EHBP1: variants seen among roughly 807,000 people sequenced by gnomAD.
The protein encoded by EHBP1 is EH domain binding protein 1, also known as EH domain-binding protein 1.
Under a neutral mutation model 144.0 loss-of-function variants are expected in EHBP1, and 55 were observed. The observed-to-expected ratio is 0.38, with a 90% CI of 0.31 to 0.48. The LOEUF (loss-of-function observed/expected upper bound fraction) is 0.48, where lower values mean the gene tolerates loss of function less well. EHBP1 is among the 20% of genes least tolerant of loss of function. The pLI is 0.98. For synonymous variants in EHBP1, 469 were observed against 472.7 expected, an observed-to-expected ratio of 0.99 and a Z score of 0.10; for missense variants, 1,200 against 1,364.2, an observed-to-expected ratio of 0.88 and a Z score of 1.90.
chr2:62,711,853 A>G (rs374186458), intron 2 of EHBP1, among the ~76,000 whole-genome samples: 1 of 152,194 alleles, frequency 6.6e-6, no homozygotes, highest in East Asian at 1.9e-4. Context: ...CAAGATGGAA[A>G]GAACTAATGA....
At chr2:63,041,798 C>T (rs2061669893) in intron 21 of EHBP1, among the ~76,000 whole-genome samples, 1 of 152,126 alleles carries the variant, frequency 6.6e-6, no homozygotes, top group South Asian at 2.1e-4. Flanking sequence ...GTGCTCTTTA[C>T]AAAACTAGTG....
intron 19 of EHBP1, among the ~76,000 whole-genome samples, chr2:63,004,477 A>ATT (rs2059960087): frequency 1.3e-5 from 2 of 152,218 alleles, no homozygotes; most frequent in South Asian, 4.1e-4. Context: ...AGTGATTGGT[A>ATT]ACAACACACC....
At chr2:62,880,346 G>GA (rs59916252) in intron 10 of EHBP1, among the ~76,000 whole-genome samples, 95 of 133,764 alleles carry the variant, frequency 7.1e-4, no homozygotes, top group Middle Eastern at 8.0e-3. Context: ...TAGCAATTGT[G>GA]AAAAAAAAAA....
At chr2:62,786,709 T>C (rs2042830171) in intron 5 of EHBP1, among the ~76,000 whole-genome samples, 1 of 152,234 alleles carries the variant, frequency 6.6e-6, no homozygotes, top group Non-Finnish European at 1.5e-5. Flanking sequence ...TGAACTTGGA[T>C]AATTTGCTTT....
At chr2:62,844,816 A>G (rs1264652520) in intron 7 of EHBP1, among the ~76,000 whole-genome samples, 1 of 152,184 alleles carries the variant, frequency 6.6e-6, no homozygotes, top group Non-Finnish European at 1.5e-5. Flanking sequence ...AAAGATCACC[A>G]TGGGGTCTAC....
At chr2:62,974,428 A>C (rs1408839456) in intron 14 of EHBP1, among the ~76,000 whole-genome samples, 1 of 152,184 alleles carries the variant, frequency 6.6e-6, no homozygotes, top group Non-Finnish European at 1.5e-5. Flanking sequence ...AAAGAAAATA[A>C]AAATATCAAA....
intron 8 of EHBP1, among the ~76,000 whole-genome samples, chr2:62,861,388 A>G (rs2049531294): frequency 6.6e-6 from 1 of 150,536 alleles, no homozygotes; most frequent in African/African-American, 2.4e-5. Context: ...TTGGCCTCCC[A>G]AAGTGCTGGG....
intron 5 of EHBP1, among the ~76,000 whole-genome samples, chr2:62,811,028 G>C (rs1362200558): frequency 6.6e-6 from 1 of 152,088 alleles, no homozygotes; most frequent in Non-Finnish European, 1.5e-5. Context: ...ATGTATATCT[G>C]TAGTTTCCTT....
rs931657068 is a variant in EHBP1, at chr2:62,761,912, C to G, written c.163-2354C>G. Among the ~76,000 whole-genome samples, 3 of 152,136 alleles carry G rather than the reference C, an allele frequency of 2.0e-5. No individual in the cohort carries two copies. The South Asian group carries it at 6.2e-4, about 31-fold the overall frequency. On this transcript the variant is annotated intron_variant, in intron 3 of 22. Transcript: ENST00000431489. ...CCCAGAGGAGTTGAGTATATTTGCT[C>G]TCTTCAATTTGTTTCTTCCCATTCT... is the stretch of plus-strand genomic sequence containing the variant.
chr2:62,840,241 G>A (rs1265943889), intron 7 of EHBP1, among the ~76,000 whole-genome samples: 1 of 150,658 alleles, frequency 6.6e-6, no homozygotes, highest in African/African-American at 2.4e-5. Context: ...AATGGGGAAA[G>A]GAATCCCTAT....
At chr2:62,828,102 G>A (rs981635730) in intron 6 of EHBP1, among the ~76,000 whole-genome samples, 1 of 152,118 alleles carries the variant, frequency 6.6e-6, no homozygotes, top group Non-Finnish European at 1.5e-5. Flanking sequence ...ATTTTAAAAA[G>A]GGGAAATGAC....
At chr2:63,032,266 A>AC (rs1367268964) in intron 19 of EHBP1, among the ~76,000 whole-genome samples, 1 of 151,506 alleles carries the variant, frequency 6.6e-6, no homozygotes, top group East Asian at 1.9e-4. Context: ...TGATTTAAAA[A>AC]AAAAAAAAAA....
intron 2 of EHBP1, among the ~76,000 whole-genome samples, chr2:62,711,419 A>C (rs1416092823): frequency 2.0e-5 from 3 of 152,174 alleles, no homozygotes; most frequent in Admixed American, 2.0e-4. Flanking sequence ...AATTGAAGGG[A>C]TAGGGGAACA....
rs1558647638 is a variant in EHBP1 at position 62,773,884 on chromosome 2, AAG to A, written c.312+2502_312+2503del. 1.2e-3 allele frequency among the ~76,000 whole-genome samples: 160 copies of A among 130,718 alleles called. 1 individual carries two copies. The highest frequency in any genetic ancestry group is 7.2e-3 in the East Asian group (34 of 4,740). 85.8% of individuals were successfully genotyped at this position (130,718 alleles called of 152,430 possible). A position where few individuals can be genotyped will look rare whatever the true frequency, so the allele number is the denominator to read the frequency against. ...AAAAAAAAAAAAAAAAAAAAAAAAA[AAG>A]AGAGAGAGAAGAATAACGTGAGTAA... On this transcript the variant is annotated intron_variant, in intron 5 of 22. Coordinates refer to ENST00000431489, the MANE Select transcript of EHBP1 (RefSeq NM_001142616.3).
Position 62,880,737 on chromosome 2 carries a change from A to G in EHBP1, c.1185+6205A>G, listed in dbSNP as rs139523999. On this transcript the variant is annotated intron_variant, in intron 10 of 22. Transcript: ENST00000431489. ...CATACCAGGCAGAATGGCTATCATT[A>G]AAAAGTCAAAAAATAACAGTTGCTG... 4.2e-4 allele frequency among the ~76,000 whole-genome samples: 64 copies of G among 152,314 alleles called. 1 individual carries two copies. In the East Asian group the frequency reaches 0.012, roughly 29 times the overall value.
intron 10 of EHBP1, among the ~76,000 whole-genome samples, chr2:62,875,281 G>C (rs1012051840): frequency 6.6e-6 from 1 of 152,160 alleles, no homozygotes; most frequent in Non-Finnish European, 1.5e-5. Context: ...TCAGGCCCTC[G>C]AGCACAGCAG....
intron 10 of EHBP1, among the ~76,000 whole-genome samples, chr2:62,912,656 A>G (rs1185573814): frequency 6.6e-6 from 1 of 152,234 alleles, no homozygotes; most frequent in Non-Finnish European, 1.5e-5. Context: ...GTGTATCTAC[A>G]GTTAAATGTT....
At chr2:62,928,927 C>T (rs1558930231) in intron 10 of EHBP1, among the ~76,000 whole-genome samples, 1 of 149,044 alleles carries the variant, frequency 6.7e-6, no homozygotes, top group East Asian at 2.0e-4. Flanking sequence ...TCCACAGAAA[C>T]AAAAAGGATT....
chr2:62,741,977 G>A (rs2038752539), intron 2 of EHBP1, among the ~76,000 whole-genome samples: 1 of 152,036 alleles, frequency 6.6e-6, no homozygotes, highest in Non-Finnish European at 1.5e-5. Flanking sequence ...TTATAATACT[G>A]TATTTTTTAC....
Sources: gnomAD v4.1 joint callset for allele counts (sites outside exome capture counted in the v4.1 genomes callset) on GRCh38, gnomAD v4.1.1 for gene constraint, MANE v1.5 for transcripts, NCBI Gene and HGNC (gene_info 2026-07-23, HGNC 2026-07-21) for gene names.